The following FTCD variants were observed in gnomAD, a reference collection of about 807,000 sequenced individuals.
The protein encoded by FTCD is formimidoyltransferase cyclodeaminase, also known as formimidoyltransferase-cyclodeaminase.
FTCD carries 76 observed loss-of-function variants against 62.9 expected under a neutral mutation model. The observed-to-expected ratio is 1.21, with a 90% CI of 1.00 to 1.46. FTCD has a LOEUF of 1.46. Ranked by LOEUF, FTCD falls within the 40% of genes most tolerant of loss-of-function variation. FTCD has a pLI of 0.00. For missense variants in FTCD, 845 were observed against 751.3 expected, an observed-to-expected ratio of 1.12 and a Z score of -1.46; for synonymous variants, 397 against 336.9, an observed-to-expected ratio of 1.18 and a Z score of -1.95.
chr21:46,139,080 A>G (rs1980983), intron 10 of FTCD, 157 bp from the exon 11 acceptor site: 223,582 of 680,814 alleles, frequency 0.33, 41,181 homozygotes, highest in East Asian at 0.59. Flanking sequence ...TATAGCCCTT[A>G]GCATCAGGCT....
chr21:46,140,650 C>CAACCCAG (rs1568963688), intron 10 of FTCD, among the ~76,000 whole-genome samples: 1 of 134,250 alleles, frequency 7.4e-6, no homozygotes, highest in Non-Finnish European at 1.6e-5. Flanking sequence ...GAGTGTAAAC[C>CAACCCAG]CACCCAGCAC....
chr21:46,136,336 G>T, downstream of FTCD: 1 of 1,087,382 alleles, frequency 9.2e-7, no homozygotes, highest in Non-Finnish European at 1.4e-6. Flanking sequence ...GCTGAGGCAG[G>T]GAGGAAAAGT....
rs553550116 is a variant in FTCD at position 46,140,097 on chromosome 21, CCTT to C, written c.1261-1177_1261-1175del. ...TATTTGGTGCAAGGTACAGATATCT[CCTT>C]ATGTTTTTCAAAAGTCGACCTTTGC... On this transcript the variant is annotated intron_variant, in intron 10 of 13. Transcript: ENST00000397746. Among the ~76,000 whole-genome samples the C allele has an allele frequency of 3.5e-3, 537 of 152,348 alleles. 2 individuals carry two copies. The highest frequency in any genetic ancestry group is 6.4e-3 in the South Asian group (31 of 4,830).
At chr21:46,144,370 C>A (rs1906147535) in intron 10 of FTCD, among the ~76,000 whole-genome samples, 1 of 142,276 alleles carries the variant, frequency 7.0e-6, no homozygotes, top group Non-Finnish European at 1.5e-5. Context: ...CACCTCTCTC[C>A]CCTCTCTCCC....
chr21:46,155,323 T>C (rs62214040), intron 1 of FTCD, 147 bp downstream of exon 1: 87,769 of 710,872 alleles, frequency 0.12, 6,799 homozygotes, highest in Non-Finnish European at 0.17. Context: ...AGCCACGGGA[T>C]GTCCTTGGGG....
At chr21:46,146,529 A>C (rs2079152005) in intron 7 of FTCD, 1 of 604,608 alleles carries the variant, frequency 1.7e-6, no homozygotes, top group South Asian at 1.9e-5. Flanking sequence ...CCCAGCAGGC[A>C]CCCCGTACAG....
downstream of FTCD, chr21:46,136,398 T>C (rs2078867687): frequency 6.3e-7 from 1 of 1,596,280 alleles, no homozygotes; most frequent in East Asian, 2.2e-5. Context: ...ACAGGGCCAG[T>C]ACCGTGCTCT....
intron 10 of FTCD, among the ~76,000 whole-genome samples, chr21:46,144,183 CAATA>C (rs1267512903): frequency 6.6e-6 from 1 of 151,672 alleles, no homozygotes; most frequent in Non-Finnish European, 1.5e-5. Context: ...GCTTTGTATC[CAATA>C]AATAACAGCG....
At position 46,146,354 on chromosome 21, in the gene FTCD, G is replaced by A. The variant is rs755896152; in HGVS notation, c.907-27C>T. ...TGGAAAAGGGGCTTGGAGTGGAAAC[G>A]GCCTCGGCGCGTCTCCACCACCAGG... is the stretch of plus-strand genomic sequence containing the variant. On this transcript the variant is annotated intron_variant, in intron 7 of 13. Coordinates refer to ENST00000397746, the MANE Select transcript of FTCD (RefSeq NM_206965.2). The A allele has an allele frequency of 2.6e-6, 4 of 1,532,060 alleles. No individual in the cohort carries two copies. In the South Asian group the frequency reaches 4.7e-5, roughly 18 times the overall value. The allele number at this position is 1,532,060 out of a possible 1,614,324, so 94.9% of individuals were successfully genotyped here. A position where few individuals can be genotyped will look rare whatever the true frequency, so the allele number is the denominator to read the frequency against.
intron 10 of FTCD, chr21:46,142,522 A>T (rs1220488873): frequency 6.6e-6 from 1 of 151,906 alleles, no homozygotes; most frequent in African/African-American, 2.4e-5. Flanking sequence ...CGCGTAGCAC[A>T]GCTGTTAGCT....
Position 46,139,662 on chromosome 21 carries a change from G to A in FTCD, c.1261-739C>T, listed in dbSNP as rs1258415630. On this transcript the variant is annotated intron_variant, in intron 10 of 13. Transcript: ENST00000397746. ...CATGGATGAGAGCAAATGCTCCCTG[G>A]GCGCCAGCCAGATCTGGATCCTTTG... Among the ~76,000 whole-genome samples, 7 of 152,212 alleles carry A rather than the reference G, an allele frequency of 4.6e-5. No homozygotes were observed. In the East Asian group the frequency reaches 1.2e-3, roughly 25 times the overall value.
At chr21:46,138,742 G>C in intron 11 of FTCD, 96 bp from the exon 12 acceptor site, 1 of 1,476,238 alleles carries the variant, frequency 6.8e-7, no homozygotes, top group Non-Finnish European at 9.4e-7. Context: ...CTGCAGAAGC[G>C]GGCGATGGGA....
rs151003023 is a variant in FTCD, at chr21:46,153,095, C to T, written c.239-60G>A. The T allele has an allele frequency of 8.9e-3, 13,369 of 1,506,010 alleles. 75 individuals are homozygous for T. The highest frequency in any genetic ancestry group is 0.011 in the Non-Finnish European group (11,907 of 1,122,672). The allele number at this position is 1,506,010 out of a possible 1,614,324, so 93.3% of individuals were successfully genotyped here. A position where few individuals can be genotyped will look rare whatever the true frequency, so the allele number is the denominator to read the frequency against. ...GGTGTGGGAGCGGGTGGGAGCTCCA[C>T]GGGGTTCTCGGACCCTCTGTCCTCT... On this transcript the variant is annotated intron_variant, in intron 2 of 13. Coordinates refer to ENST00000397746, the MANE Select transcript of FTCD (RefSeq NM_206965.2).
rs1285538687 is a variant in FTCD, at chr21:46,153,187, C to T, written c.239-152G>A. 6.1e-5 allele frequency: 48 copies of T among 780,594 alleles called. 1 individual carries two copies. The Admixed American group carries it at 7.4e-4, about 12-fold the overall frequency. 48.4% of individuals were successfully genotyped at this position (780,594 alleles called of 1,614,324 possible). The stretch of plus-strand genomic sequence containing the variant: ...TCACACTGACCCACAGGGAGGAGGC[C>T]GGCCCTGGGCGCTCCCAGCCCTGCC... On this transcript the variant is annotated intron_variant, in intron 2 of 13. Transcript: ENST00000397746.
chr21:46,139,503 G>T (rs1428059177), intron 10 of FTCD, among the ~76,000 whole-genome samples: 2 of 152,178 alleles, frequency 1.3e-5, no homozygotes, highest in Admixed American at 1.3e-4. Flanking sequence ...AGGACCCACT[G>T]GGAGCCCTAC....
intron 10 of FTCD, 182 bp from the exon 11 acceptor site, chr21:46,139,105 G>A (rs1179304240): frequency 1.6e-6 from 1 of 638,720 alleles, no homozygotes; most frequent in South Asian, 1.8e-5. Flanking sequence ...GGAGGAGCAG[G>A]GTAGGGGGGG....
At chr21:46,138,982 C>T (rs1482289330) in intron 10 of FTCD, 59 bp from the exon 11 acceptor site, 7 of 1,301,154 alleles carry the variant, frequency 5.4e-6, no homozygotes, top group African/African-American at 4.4e-5. Context: ...GCCATGCCCT[C>T]TGAGCTCCCA....
intron 12 of FTCD, among the ~76,000 whole-genome samples, chr21:46,137,638 G>T (rs1393841126): frequency 1.3e-5 from 2 of 152,006 alleles, no homozygotes; most frequent in Non-Finnish European, 2.9e-5. Context: ...CCCCTGGAGG[G>T]CCCCCGGAGG....
chr21:46,150,064 C>CA, intron 7 of FTCD, 55 bp downstream of exon 7: 5 of 1,538,576 alleles, frequency 3.2e-6, no homozygotes, highest in Non-Finnish European at 2.7e-6. Context: ...CCGCCACCGC[C>CA]TCCCCACCCT....
Sources: allele counts gnomAD v4.1 joint callset (sites outside exome capture counted in the v4.1 genomes callset), GRCh38; gene constraint gnomAD v4.1.1; transcripts MANE v1.5; gene names NCBI Gene and HGNC (gene_info 2026-07-23, HGNC 2026-07-21).